The following FDFT1 variants were observed in gnomAD, a reference collection of about 807,000 sequenced individuals.
The protein encoded by FDFT1 is squalene synthase.
A neutral mutation model predicts 46.8 loss-of-function variants in FDFT1; 68 were observed. The observed-to-expected ratio is 1.45, with a 90% confidence interval of 1.19 to 1.78. The LOEUF is 1.78. Among genes scored for constraint, FDFT1 ranks in the 40% most tolerant of loss-of-function variants. The pLI is 0.00. For missense variants in FDFT1, 928 were observed against 524.4 expected, an observed-to-expected ratio of 1.77 and a Z score of -7.52; for synonymous variants, 351 against 185.1, an observed-to-expected ratio of 1.90 and a Z score of -7.28.
chr8:11,803,108 C>T (rs762655227), intron 1 of FDFT1, 177 bp downstream of exon 1: 3 of 1,427,964 alleles, frequency 2.1e-6, no homozygotes, highest in Non-Finnish European at 2.7e-6. Context: ...GTGGACGCGG[C>T]CGTCCTGGCT....
chr8:11,826,706 C>G (rs376937465), intron 5 of FDFT1, among the ~76,000 whole-genome samples: 6 of 152,104 alleles, frequency 3.9e-5, no homozygotes, highest in Non-Finnish European at 8.8e-5. Flanking sequence ...TCCCAGCTAC[C>G]TGGGAGGCTG....
chr8:11,803,522 A>T (rs1806416507), intron 1 of FDFT1: 3 of 1,203,380 alleles, frequency 2.5e-6, no homozygotes, highest in Non-Finnish European at 3.2e-6. Context: ...GTGGAAGGTC[A>T]GAACTTGGTT....
At chr8:11,836,962 G>C (rs554038088) in intron 7 of FDFT1, among the ~76,000 whole-genome samples, 1 of 152,360 alleles carries the variant, frequency 6.6e-6, no homozygotes, top group East Asian at 1.9e-4. Flanking sequence ...AAGTAGGTGC[G>C]GTGTAGTCAG....
chr8:11,836,252 G>C (rs1811523213), intron 7 of FDFT1, among the ~76,000 whole-genome samples: 1 of 152,224 alleles, frequency 6.6e-6, no homozygotes, highest in South Asian at 2.1e-4. Context: ...GCTTTTGATG[G>C]CATCAGGGCA....
intron 7 of FDFT1, among the ~76,000 whole-genome samples, chr8:11,832,503 G>C (rs1224050555): frequency 7.7e-6 from 1 of 129,554 alleles, no homozygotes; most frequent in African/African-American, 2.9e-5. Context: ...TAAGCTGTGT[G>C]ATTTCATCAT....
chr8:11,799,735 CAA>C (rs1252430834), upstream of FDFT1, among the ~76,000 whole-genome samples: 2 of 151,586 alleles, frequency 1.3e-5, no homozygotes, highest in Non-Finnish European at 2.9e-5. Context: ...ATCACGAGGT[CAA>C]GAGATTGAGA....
At chr8:11,810,687 C>T (rs567629046) in intron 3 of FDFT1, among the ~76,000 whole-genome samples, 1 of 152,106 alleles carries the variant, frequency 6.6e-6, no homozygotes, top group African/African-American at 2.4e-5. Flanking sequence ...ATTCGCATGT[C>T]TTATCACACA....
chr8:11,808,599 G>T, intron 1 of FDFT1, 195 bp from the exon 2 acceptor site: 1 of 1,391,008 alleles, frequency 7.2e-7, no homozygotes, highest in Non-Finnish European at 9.3e-7. Context: ...GGCGCCCAGG[G>T]GCCCGGGCGC....
chr8:11,837,272 C>T (rs185976575), intron 7 of FDFT1, among the ~76,000 whole-genome samples: 1 of 152,316 alleles, frequency 6.6e-6, no homozygotes, highest in East Asian at 1.9e-4. Context: ...GTTCTGTCAT[C>T]CAGGCTGGAG....
At chr8:11,798,514 C>T (rs891102012), upstream of FDFT1, among the ~76,000 whole-genome samples, 12 of 152,168 alleles carry the variant, frequency 7.9e-5, no homozygotes, top group African/African-American at 2.7e-4. Context: ...TTGGACTCCA[C>T]AGGACTTGAT....
At chr8:11,802,346 G>C, upstream of FDFT1, 1 of 420,588 alleles carries the variant, frequency 2.4e-6, no homozygotes, top group Non-Finnish European at 4.8e-6. Context: ...AAGTGGGGAG[G>C]AAGCAGCCCC....
rs1811924966 is a variant in FDFT1, at chr8:11,838,751, T to A, written c.*142T>A. 1.4e-6 allele frequency: 1 copy of A among 705,982 alleles called. No individual in the cohort carries two copies. Among genetic ancestry groups the A allele is most frequent in the South Asian group, 1.7e-5 (1 of 59,436 alleles). The allele number at this position is 705,982 out of a possible 1,614,324, so 43.7% of individuals were successfully genotyped here. Reference sequence around the variant, plus strand: ...TGTGTGGCTGGGACCTTTAGGAAAGTGAAATGCAGGTGAGAAGAACCTAAA... The same window carrying A: ...TGTGTGGCTGGGACCTTTAGGAAAGAGAAATGCAGGTGAGAAGAACCTAAA... On this transcript the variant is annotated 3_prime_UTR_variant, in exon 8 of 8. Coordinates refer to ENST00000220584, the MANE Select transcript of FDFT1 (RefSeq NM_004462.5).
chr8:11,808,671 C>T (rs1352215215), intron 1 of FDFT1, 123 bp from the exon 2 acceptor site: 1 of 1,479,708 alleles, frequency 6.8e-7, no homozygotes, highest in Non-Finnish European at 9.0e-7. Context: ...GGACTGGCCT[C>T]GGGGAGAGGG....
rs1281814084 is a variant in FDFT1, at chr8:11,831,562, G to A, written c.924G>A (p.Gln308=). The stretch of plus-strand genomic sequence containing the variant: ...TGGCTGCCTGTTATAATAACCAGCA[G>A]GTGTTCAAAGGGGCAGTGAAGATTC... ...ATLAACYNNQ[Q]VFKGAVKIRK... is the part of the protein sequence containing the mutation. The change falls in exon 7 of 8, where the codon CAG becomes CAA. Residue 308 remains glutamine, a synonymous_variant. Coordinates refer to ENST00000220584, the MANE Select transcript of FDFT1 (RefSeq NM_004462.5). 3 of 1,614,010 alleles carry A rather than the reference G, an allele frequency of 1.9e-6. No individual in the cohort carries two copies. The highest frequency in any genetic ancestry group is 2.5e-6 in the Non-Finnish European group (3 of 1,179,970).
intron 6 of FDFT1, among the ~76,000 whole-genome samples, 164 bp downstream of exon 6, chr8:11,830,584 A>T (rs1585991641): frequency 6.6e-6 from 1 of 152,192 alleles, no homozygotes; most frequent in Non-Finnish European, 1.5e-5. Context: ...GCTTCCAGCC[A>T]CCAAACTCAG....
At chr8:11,830,503 C>A in intron 6 of FDFT1, 83 bp downstream of exon 6, 1 of 959,060 alleles carries the variant, frequency 1.0e-6, no homozygotes, top group Non-Finnish European at 1.6e-6. Context: ...GTGCTATATT[C>A]AAGGATATGA....
At chr8:11,800,998 G>A (rs1180576181), upstream of FDFT1, among the ~76,000 whole-genome samples, 1 of 152,180 alleles carries the variant, frequency 6.6e-6, no homozygotes, top group Non-Finnish European at 1.5e-5. Context: ...TGATGTATTA[G>A]AATATGGTAA....
intron 3 of FDFT1, among the ~76,000 whole-genome samples, chr8:11,812,369 T>A (rs563638601): frequency 4.1e-4 from 63 of 152,240 alleles, no homozygotes; most frequent in African/African-American, 1.5e-3. Flanking sequence ...AAGGGCTGTG[T>A]TGGGGAGTGT....
intron 1 of FDFT1, among the ~76,000 whole-genome samples, chr8:11,806,272 A>G (rs532527999): frequency 3.5e-4 from 54 of 152,280 alleles, no homozygotes; most frequent in Non-Finnish European, 6.9e-4. Flanking sequence ...GATAAACCCA[A>G]GAGGGACAGG....
Sources: gnomAD v4.1 joint callset for allele counts (sites outside exome capture counted in the v4.1 genomes callset) on GRCh38, gnomAD v4.1.1 for gene constraint, MANE v1.5 for transcripts, NCBI Gene and HGNC (gene_info 2026-07-23, HGNC 2026-07-21) for gene names.